The following MBNL3 variants were observed in gnomAD, a reference collection of about 807,000 sequenced individuals.
MBNL3 encodes the protein muscleblind-like protein 3.
A neutral mutation model predicts 24.5 loss-of-function variants in MBNL3; 6 were observed. The observed-to-expected ratio is 0.25, with a 90% CI of 0.13 to 0.48. The LOEUF (loss-of-function observed/expected upper bound fraction) is 0.48, where lower values mean the gene tolerates loss of function less well. Among genes scored for constraint, MBNL3 ranks in the 20% least tolerant of loss-of-function variants. The pLI is 0.99. For missense variants in MBNL3, 230 were observed against 293.5 expected (o/e 0.78, Z 1.58); for synonymous variants, 100 against 101.7 (o/e 0.98, Z 0.10).
In MBNL3 at chrX:132,372,242, A is replaced by T. The variant is rs1320953544; in HGVS notation, c.*7424T>A. ...TATTTAAATATGTTACACATGGCTAATAATTTTCTTATATATATTTTTAAT... is the reference window on the plus strand; with the variant it reads ...TATTTAAATATGTTACACATGGCTATTAATTTTCTTATATATATTTTTAAT... On this transcript the variant is annotated 3_prime_UTR_variant, in exon 9 of 9. Coordinates refer to ENST00000370853, the MANE Select transcript of MBNL3 (RefSeq NM_001386889.1). 1 of 110,447 alleles carries T rather than the reference A, an allele frequency of 9.1e-6. No homozygotes were observed. Among genetic ancestry groups the T allele is most frequent in the Admixed American group, 9.8e-5 (1 of 10,252 alleles). The allele number at this position is 110,447 out of a possible 1,213,427, so 9.1% of individuals were successfully genotyped here.
At chrX:132,396,921 T>TACATATATATTCATATATAC (rs1309224826) in intron 3 of MBNL3, among the ~76,000 whole-genome samples, 13 of 66,548 alleles carry the variant, frequency 2.0e-4, no homozygotes, top group Non-Finnish European at 3.3e-4. Flanking sequence ...TATACATATA[T>TACATATATATTCATATATAC]ATTCATATAT....
In MBNL3 at chrX:132,371,003, G is replaced by A. The variant is rs1332643121; in HGVS notation, c.*8663C>T. The A allele has an allele frequency of 9.0e-6, 1 of 111,472 alleles. No homozygotes were observed. The highest frequency in any genetic ancestry group is 9.6e-5 in the Admixed American group (1 of 10,461). 9.2% of individuals were successfully genotyped at this position (111,472 alleles called of 1,213,427 possible). On this transcript the variant is annotated 3_prime_UTR_variant, in exon 9 of 9. Transcript: ENST00000370853. ...AGCCTCAAAGAGAAAGACATTAACT[G>A]AATTCTGAAGAGGCCTAAGACCTCT...
At chrX:132,460,141 C>A (rs779951001) in intron 1 of MBNL3, among the ~76,000 whole-genome samples, 1 of 111,053 alleles carries the variant, frequency 9.0e-6, no homozygotes, top group East Asian at 2.8e-4. Flanking sequence ...ATTAAACAGG[C>A]AAAAGTTTTA....
intron 1 of MBNL3, among the ~76,000 whole-genome samples, chrX:132,460,682 A>G (rs1405245149): frequency 8.9e-6 from 1 of 111,973 alleles, no homozygotes; most frequent in African/African-American, 3.2e-5. Context: ...CCATTACTTT[A>G]TAGTGGCTCA....
Position 132,377,429 on chromosome X carries a change from C to T in MBNL3, c.*2237G>A, listed in dbSNP as rs1266750360. On this transcript the variant is annotated 3_prime_UTR_variant, in exon 9 of 9. Transcript: ENST00000370853. ...GTCAACAGCTGACAATGACTCAATA[C>T]AAGCAAGGCTGTTTAGAAAGCACTG... The T allele has an allele frequency of 1.8e-5, 2 of 111,864 alleles. No individual in the cohort carries two copies. Among genetic ancestry groups the T allele is most frequent in the African/African-American group, 6.5e-5 (2 of 30,797 alleles). 9.2% of individuals were successfully genotyped at this position (111,864 alleles called of 1,213,427 possible).
intron 8 of MBNL3, among the ~76,000 whole-genome samples, chrX:132,380,833 A>G (rs1335129397): frequency 9.0e-6 from 1 of 110,512 alleles, no homozygotes; most frequent in Non-Finnish European, 1.9e-5. Context: ...TTGAGGGTGA[A>G]GGAGAAAAAA....
At chrX:132,434,508 C>T (rs1944997276) in intron 2 of MBNL3, among the ~76,000 whole-genome samples, 1 of 111,880 alleles carries the variant, frequency 8.9e-6, no homozygotes, top group Non-Finnish European at 1.9e-5. Flanking sequence ...GTGGAGAAAT[C>T]CAGTAGATGC....
intron 1 of MBNL3, among the ~76,000 whole-genome samples, chrX:132,462,769 TA>T (rs1261660435): frequency 3.6e-5 from 4 of 111,486 alleles, no homozygotes; most frequent in Admixed American, 9.5e-5. Context: ...AAAAAGGAGC[TA>T]AAACTACTCA....
At position 132,375,150 on chromosome X, in the gene MBNL3, T is replaced by C. The variant is rs992480156; in HGVS notation, c.*4516A>G. ...TTTCATAGTTTTGAGCTGTATTTTCTACAGGCTCATACTGTCACAAATCAC... is the reference window on the plus strand; with the variant it reads ...TTTCATAGTTTTGAGCTGTATTTTCCACAGGCTCATACTGTCACAAATCAC... On this transcript the variant is annotated 3_prime_UTR_variant, in exon 9 of 9. Coordinates refer to ENST00000370853, the MANE Select transcript of MBNL3 (RefSeq NM_001386889.1). The C allele has an allele frequency of 8.9e-6, 1 of 111,853 alleles. No individual in the cohort carries two copies. The highest frequency in any genetic ancestry group is 9.5e-5 in the Admixed American group (1 of 10,503). The allele number at this position is 111,853 out of a possible 1,213,427, so 9.2% of individuals were successfully genotyped here.
intron 2 of MBNL3, among the ~76,000 whole-genome samples, chrX:132,409,533 A>G (rs1211172476): frequency 9.0e-6 from 1 of 111,623 alleles, no homozygotes; most frequent in Non-Finnish European, 1.9e-5. Flanking sequence ...TTGGCTCTGA[A>G]AAATCACCCT....
chrX:132,435,114 G>T (rs760107952), intron 2 of MBNL3, among the ~76,000 whole-genome samples: 4 of 111,015 alleles, frequency 3.6e-5, no homozygotes, highest in African/African-American at 9.8e-5. Context: ...CCATTAGGTC[G>T]GTGCAGAAGT....
intron 1 of MBNL3, among the ~76,000 whole-genome samples, chrX:132,471,022 C>T (rs149915558): frequency 3.3e-4 from 37 of 111,330 alleles, no homozygotes; most frequent in African/African-American, 1.2e-3. Flanking sequence ...TCTCTCTGAG[C>T]CCCATGTTCC....
chrX:132,452,463 A>G (rs1310729332), intron 1 of MBNL3, among the ~76,000 whole-genome samples: 1 of 112,480 alleles, frequency 8.9e-6, no homozygotes, highest in Non-Finnish European at 1.9e-5. Context: ...GACATTTATC[A>G]GGCATCCACT....
chrX:132,425,544 A>G (rs1944235519), intron 2 of MBNL3, among the ~76,000 whole-genome samples: 1 of 111,557 alleles, frequency 9.0e-6, no homozygotes, highest in Non-Finnish European at 1.9e-5. Context: ...TTGTGTATTT[A>G]GAACAAGAGT....
intron 2 of MBNL3, among the ~76,000 whole-genome samples, chrX:132,417,113 C>G (rs555531264): frequency 9.0e-6 from 1 of 111,398 alleles, no homozygotes; most frequent in Non-Finnish European, 1.9e-5. Flanking sequence ...TTTTCTTTCT[C>G]TCTCTCTCTC....
At chrX:132,406,686 G>A (rs766948354) in intron 2 of MBNL3, among the ~76,000 whole-genome samples, 1 of 111,916 alleles carries the variant, frequency 8.9e-6, no homozygotes, top group Non-Finnish European at 1.9e-5. Flanking sequence ...TTGATGTTAA[G>A]CACTTTCAAG....
chrX:132,411,325 C>G, intron 2 of MBNL3: 2 of 754,114 alleles, frequency 2.7e-6, no homozygotes, highest in Non-Finnish European at 3.1e-6. Flanking sequence ...ATTTTCTTGC[C>G]TATCTGTCTC....
rs947912988 is a variant in MBNL3 at position 132,386,896 on chromosome X, C to T, written c.772-85G>A. The T allele has an allele frequency of 2.1e-5, 22 of 1,051,803 alleles. No individual in the cohort carries two copies. In the African/African-American group the frequency reaches 3.9e-4, roughly 19 times the overall value. The allele number at this position is 1,051,803 out of a possible 1,213,427, so 86.7% of individuals were successfully genotyped here. ...AAGCACCAGTCATATAAGGTATTTCCTGGGAATCCTCCGTAAGGGTATGCA... is the reference window on the plus strand; with the variant it reads ...AAGCACCAGTCATATAAGGTATTTCTTGGGAATCCTCCGTAAGGGTATGCA... On this transcript the variant is annotated intron_variant, in intron 5 of 8. Transcript: ENST00000370853.
chrX:132,413,484 T>A (rs941494338), intron 2 of MBNL3: 29 of 1,161,656 alleles, frequency 2.5e-5, no homozygotes, highest in Non-Finnish European at 2.9e-5. Flanking sequence ...CCTCTTTACC[T>A]TAAGATTCTT....
Sources: allele counts gnomAD v4.1 joint callset (sites outside exome capture counted in the v4.1 genomes callset), GRCh38; gene constraint gnomAD v4.1.1; transcripts MANE v1.5; gene names NCBI Gene and HGNC (gene_info 2026-07-23, HGNC 2026-07-21).